CADM1: variants seen among roughly 807,000 people sequenced by gnomAD.
CADM1 encodes TSLC-1.
In CADM1, 15 loss-of-function variants were observed where a neutral mutation model predicts 53.1. The observed-to-expected ratio is 0.28, with a 90% CI of 0.19 to 0.44. The LOEUF is 0.44. CADM1 is among the 20% of genes least tolerant of loss of function. The pLI is 1.00. For missense variants in CADM1, 434 were observed against 611.3 expected (o/e 0.71, Z 3.06); for synonymous variants, 281 against 243.0 (o/e 1.16, Z -1.45).
At chr11:115,306,072 C>CACACACACACACA (rs1555060496) in intron 1 of CADM1, among the ~76,000 whole-genome samples, 13 of 130,432 alleles carry the variant, frequency 1.0e-4, no homozygotes, top group South Asian at 2.7e-4. Flanking sequence ...AGGATATATA[C>CACACACACACACA]CACACACACA....
Position 115,240,370 on chromosome 11 carries a change from C to T in CADM1, c.175G>A (p.Val59Ile). 1.2e-6 allele frequency: 2 copies of T among 1,613,732 alleles called. No homozygotes were observed. The highest frequency in any genetic ancestry group is 1.7e-6 in the Non-Finnish European group (2 of 1,179,850). ...TTGACTTGGCAACTGATGGTCGCAA[C>T]CTCTCCCTCGATCACTGTCACGTCT... The part of the protein sequence containing the change: ...TKDVTVIEGE[V>I]ATISCQVNKS... Residue 59 changes from valine to isoleucine, a missense_variant, in exon 2 of 12, where the codon GTT becomes ATT. By Grantham distance (29) the Val-to-Ile change is conservative. This residue lies in a region of CADM1 where 31 missense variants were observed against 74.6 expected (regional missense o/e 0.42). Coordinates refer to ENST00000331581, the MANE Select transcript of CADM1 (RefSeq NM_001301043.2).
Position 115,175,301 on chromosome 11 carries a change from C to G in CADM1, c.*1173G>C. 1 of 985,468 alleles carries G rather than the reference C, an allele frequency of 1.0e-6. No homozygotes were observed. The highest frequency in any genetic ancestry group is 1.7e-5 in the African/African-American group (1 of 57,208). The allele number at this position is 985,468 out of a possible 1,614,324, so 61.0% of individuals were successfully genotyped here. On this transcript the variant is annotated 3_prime_UTR_variant, in exon 12 of 12. Coordinates refer to ENST00000331581, the MANE Select transcript of CADM1 (RefSeq NM_001301043.2). ...TTTCACACAGATTCGAGTTGGAAAT[C>G]CCAGCATGACAAATATCTGTAATAT...
At chr11:115,309,755 G>A (rs1944482188) in intron 1 of CADM1, among the ~76,000 whole-genome samples, 1 of 152,096 alleles carries the variant, frequency 6.6e-6, no homozygotes. Flanking sequence ...CTCAATCTCT[G>A]TGAACCTCCA....
At chr11:115,439,542 T>C (rs1948261019) in intron 1 of CADM1, among the ~76,000 whole-genome samples, 1 of 152,230 alleles carries the variant, frequency 6.6e-6, no homozygotes, top group African/African-American at 2.4e-5. Flanking sequence ...ACGTGTGCTG[T>C]TGACAGACTG....
chr11:115,421,799 A>G (rs1947764165), intron 1 of CADM1, among the ~76,000 whole-genome samples: 2 of 152,226 alleles, frequency 1.3e-5, no homozygotes, highest in African/African-American at 4.8e-5. Flanking sequence ...AGCTTTGGAG[A>G]TCACTTAAAA....
chr11:115,485,801 C>T (rs1949360644), intron 1 of CADM1, among the ~76,000 whole-genome samples: 1 of 152,206 alleles, frequency 6.6e-6, no homozygotes, highest in South Asian at 2.1e-4. Context: ...TAAGACACAT[C>T]TCTTTGCAGA....
At chr11:115,442,164 T>C (rs1948329103) in intron 1 of CADM1, among the ~76,000 whole-genome samples, 1 of 150,370 alleles carries the variant, frequency 6.7e-6, no homozygotes, top group Admixed American at 6.7e-5. Flanking sequence ...TCACACTAGA[T>C]GGATGGTGAC....
chr11:115,177,008 T>C (rs1939066956), intron 11 of CADM1, among the ~76,000 whole-genome samples: 1 of 152,178 alleles, frequency 6.6e-6, no homozygotes, highest in Non-Finnish European at 1.5e-5. Context: ...ATAAATGAAT[T>C]AGGGCCCTGA....
intron 1 of CADM1, among the ~76,000 whole-genome samples, chr11:115,478,017 G>A (rs1949173484): frequency 6.6e-6 from 1 of 152,154 alleles, no homozygotes; most frequent in African/African-American, 2.4e-5. Flanking sequence ...AGTCAAAAAG[G>A]TAATAAGTTA....
At chr11:115,480,607 C>A (rs1949236649) in intron 1 of CADM1, among the ~76,000 whole-genome samples, 1 of 152,170 alleles carries the variant, frequency 6.6e-6, no homozygotes, top group African/African-American at 2.4e-5. Context: ...CAGTCTGCTG[C>A]TCAGACAAGG....
chr11:115,339,665 C>T (rs1250269526), intron 1 of CADM1, among the ~76,000 whole-genome samples: 1 of 152,008 alleles, frequency 6.6e-6, no homozygotes, highest in Admixed American at 6.6e-5. Flanking sequence ...CATGTATAGT[C>T]ATACAAGCAG....
At chr11:115,198,920 T>A (rs1298611246) in intron 8 of CADM1, among the ~76,000 whole-genome samples, 1 of 152,212 alleles carries the variant, frequency 6.6e-6, no homozygotes, top group Non-Finnish European at 1.5e-5. Flanking sequence ...CAATTAGGCA[T>A]CACTGACTCA....
At chr11:115,284,029 G>A (rs1034130540) in intron 1 of CADM1, among the ~76,000 whole-genome samples, 2 of 151,894 alleles carry the variant, frequency 1.3e-5, no homozygotes, top group African/African-American at 4.8e-5. Flanking sequence ...GAGGCTGAAA[G>A]TGGCGTTCCA....
intron 1 of CADM1, among the ~76,000 whole-genome samples, chr11:115,286,928 C>T (rs1348137011): frequency 2.6e-5 from 4 of 152,184 alleles, no homozygotes; most frequent in Admixed American, 6.5e-5. Flanking sequence ...AAAGTACATT[C>T]GCCTAATTGA....
rs1465982418 is a variant in CADM1 at position 115,474,110 on chromosome 11, T to C, written c.124+30161A>G. ...GAGATCAAGACCATCCTGGCTAATA[T>C]GGTAAAACCCGGTCTCTACTAAAAA... On this transcript the variant is annotated intron_variant, in intron 1 of 11. Transcript: ENST00000331581. 2.0e-5 allele frequency among the ~76,000 whole-genome samples: 3 copies of C among 151,748 alleles called. No homozygotes were observed. In the East Asian group the frequency reaches 5.9e-4, roughly 30 times the overall value.
At chr11:115,185,645 AC>A (rs779900617) in intron 10 of CADM1, among the ~76,000 whole-genome samples, 1 of 152,202 alleles carries the variant, frequency 6.6e-6, no homozygotes, top group African/African-American at 2.4e-5. Context: ...GGCATTTAAC[AC>A]CGCCAGAGAC....
At position 115,373,025 on chromosome 11, in the gene CADM1, A is replaced by G. The variant is rs12279011; in HGVS notation, c.124+131246T>C. ...GTACAAGGACATAAATTGCTCTGATATTTTATCAAATGCAGAGTTGCCTTT... is the reference window on the plus strand; with the variant it reads ...GTACAAGGACATAAATTGCTCTGATGTTTTATCAAATGCAGAGTTGCCTTT... On this transcript the variant is annotated intron_variant, in intron 1 of 11. Coordinates refer to ENST00000331581, the MANE Select transcript of CADM1 (RefSeq NM_001301043.2). Among the ~76,000 whole-genome samples, 786 of 152,326 alleles carry G rather than the reference A, an allele frequency of 5.2e-3. 8 individuals carry two copies. The highest frequency in any genetic ancestry group is 0.018 in the African/African-American group (756 of 41,580).
chr11:115,415,962 A>G (rs1249509602), intron 1 of CADM1, among the ~76,000 whole-genome samples: 1 of 151,950 alleles, frequency 6.6e-6, no homozygotes, highest in East Asian at 1.9e-4. Flanking sequence ...GCCTCACTGT[A>G]GTTGGTGCAT....
At chr11:115,284,907 C>T (rs1352000152) in intron 1 of CADM1, among the ~76,000 whole-genome samples, 1 of 152,212 alleles carries the variant, frequency 6.6e-6, no homozygotes, top group Non-Finnish European at 1.5e-5. Flanking sequence ...AAAGTCTTTA[C>T]TTCCTAGTTA....
Sources: gnomAD v4.1 joint callset for allele counts (sites outside exome capture counted in the v4.1 genomes callset) on GRCh38, gnomAD v4.1.1 for gene constraint, gnomAD v4.1.1 regional missense constraint, MANE v1.5 for transcripts, NCBI Gene and HGNC (gene_info 2026-07-23, HGNC 2026-07-21) for gene names.